Variants in TMC1 observed in about 807,000 individuals in gnomAD.
The protein encoded by TMC1 is transmembrane channel like 1, also known as transmembrane channel-like protein 1.
TMC1 carries 84 observed loss-of-function variants against 105.8 expected under a neutral mutation model. The ratio of observed to expected loss-of-function variants is 0.79; its 90% CI spans 0.67 to 0.95. The LOEUF is 0.95. TMC1 is among the 40% of genes least tolerant of loss of function. The pLI is 0.00. For missense variants in TMC1, 817 were observed against 914.1 expected (o/e 0.89, Z 1.37); for synonymous variants, 315 against 311.5 (o/e 1.01, Z -0.12).
In TMC1 at chr9:72,594,869, CT is replaced by C. The variant is rs141277773; in HGVS notation, c.-306+16860del. ...CAGCTCTCCTCTGCTTCTTCTTCTT[CT>C]TTTTTTTTTTTTTGAGACAGCGTCT... On this transcript the variant is annotated intron_variant, in intron 2 of 23. Coordinates refer to ENST00000297784, the MANE Select transcript of TMC1 (RefSeq NM_138691.3). 4.6e-3 allele frequency among the ~76,000 whole-genome samples: 668 copies of C among 143,708 alleles called. 3 individuals are homozygous for C. Among genetic ancestry groups the C allele is most frequent in the African/African-American group, 0.011 (451 of 39,226 alleles). 94.3% of individuals were successfully genotyped at this position (143,708 alleles called of 152,430 possible).
intron 5 of TMC1, among the ~76,000 whole-genome samples, chr9:72,685,129 C>T (rs1410778874): frequency 2.3e-4 from 22 of 93,888 alleles, no homozygotes; most frequent in Admixed American, 4.4e-4. Context: ...TTTTTTGAGA[C>T]GGAGTCTTGC....
chr9:72,654,142 G>T (rs1825852132), intron 5 of TMC1, among the ~76,000 whole-genome samples: 1 of 152,164 alleles, frequency 6.6e-6, no homozygotes, highest in African/African-American at 2.4e-5. Flanking sequence ...TTGCTGGGTT[G>T]TACAGTAAGT....
At chr9:72,597,390 A>G (rs1824737903) in intron 2 of TMC1, among the ~76,000 whole-genome samples, 1 of 152,132 alleles carries the variant, frequency 6.6e-6, no homozygotes, top group Non-Finnish European at 1.5e-5. Flanking sequence ...GCGCCCTCTG[A>G]CAGATTTCAG....
chr9:72,624,865 G>A (rs1275780290), intron 3 of TMC1, among the ~76,000 whole-genome samples: 1 of 152,244 alleles, frequency 6.6e-6, no homozygotes, highest in African/African-American at 2.4e-5. Flanking sequence ...GTGGGAAGTA[G>A]TGAGGATGAC....
chr9:72,793,041 T>C (rs1452750089), intron 17 of TMC1, among the ~76,000 whole-genome samples: 1 of 152,110 alleles, frequency 6.6e-6, no homozygotes, highest in African/African-American at 2.4e-5. Flanking sequence ...TTGGAACCCT[T>C]GTGTCAGGAG....
intron 18 of TMC1, among the ~76,000 whole-genome samples, chr9:72,815,065 C>T (rs1175244253): frequency 6.6e-6 from 1 of 151,720 alleles, no homozygotes; most frequent in Non-Finnish European, 1.5e-5. Context: ...TCTTCTTGGC[C>T]CTCTCATTTC....
At chr9:72,674,461 A>T (rs1389457213) in intron 5 of TMC1, among the ~76,000 whole-genome samples, 3 of 152,242 alleles carry the variant, frequency 2.0e-5, no homozygotes, top group Non-Finnish European at 2.9e-5. Context: ...TTTCTAGGTC[A>T]TGAGAGTTAT....
At chr9:72,794,078 C>T (rs375707206) in intron 17 of TMC1, among the ~76,000 whole-genome samples, 2 of 152,062 alleles carry the variant, frequency 1.3e-5, no homozygotes, top group African/African-American at 4.8e-5. Flanking sequence ...GTCCTACCTA[C>T]CCCCACCCCC....
chr9:72,598,882 G>A (rs1824761771), intron 2 of TMC1, among the ~76,000 whole-genome samples: 1 of 152,144 alleles, frequency 6.6e-6, no homozygotes, highest in African/African-American at 2.4e-5. Context: ...TCTACACGTG[G>A]TTAGATGCCG....
At chr9:72,653,303 A>G (rs549485773) in intron 5 of TMC1, among the ~76,000 whole-genome samples, 2 of 152,304 alleles carry the variant, frequency 1.3e-5, no homozygotes, top group Admixed American at 6.5e-5. Flanking sequence ...TAAAGAGCCT[A>G]TGAAAATTAG....
intron 9 of TMC1, 38 bp from the exon 10 acceptor site, chr9:72,742,406 A>G: frequency 6.6e-7 from 1 of 1,512,782 alleles, no homozygotes; most frequent in Non-Finnish European, 9.2e-7. Context: ...ACAAATCAAG[A>G]GGTTGGACTT....
chr9:72,616,812 C>T (rs1825138679), intron 3 of TMC1, among the ~76,000 whole-genome samples: 1 of 151,704 alleles, frequency 6.6e-6, no homozygotes. Flanking sequence ...CACTGCTGTT[C>T]CCACCCCCGC....
rs139601558 is a variant in TMC1, at chr9:72,712,769, T to C, written c.362+12126T>C. Among the ~76,000 whole-genome samples, 338 of 152,286 alleles carry C rather than the reference T, an allele frequency of 2.2e-3. 2 individuals carry two copies. Among genetic ancestry groups the C allele is most frequent in the African/African-American group, 7.8e-3 (326 of 41,558 alleles). ...CTGAATACCCTTTATTCCTTTCTCT[T>C]GCCTGATTGCCCTGGCCAGAACTTC... On this transcript the variant is annotated intron_variant, in intron 8 of 23. Transcript: ENST00000297784.
intron 2 of TMC1, among the ~76,000 whole-genome samples, chr9:72,594,350 G>T (rs1220551654): frequency 6.6e-6 from 1 of 152,164 alleles, no homozygotes; most frequent in Non-Finnish European, 1.5e-5. Context: ...GAAGATAAGG[G>T]ATAGTTTAGA....
At position 72,733,819 on chromosome 9, in the gene TMC1, C is replaced by G. The variant is rs192238448; in HGVS notation, c.363-6300C>G. Among the ~76,000 whole-genome samples the G allele has an allele frequency of 2.4e-3, 366 of 152,270 alleles. 2 individuals are homozygous for G. The highest frequency in any genetic ancestry group is 8.2e-3 in the African/African-American group (339 of 41,566). On this transcript the variant is annotated intron_variant, in intron 8 of 23. Coordinates refer to ENST00000297784, the MANE Select transcript of TMC1 (RefSeq NM_138691.3). The stretch of plus-strand genomic sequence containing the variant: ...AATTTCAGGAAGAGAAGACGTCTTA[C>G]CATAGATCTTAGCAACCTCAGCATA...
intron 5 of TMC1, among the ~76,000 whole-genome samples, chr9:72,661,154 A>C (rs540772791): frequency 6.6e-6 from 1 of 152,282 alleles, no homozygotes; most frequent in East Asian, 1.9e-4. Flanking sequence ...TCATCTCAAA[A>C]ACAAACAAAC....
chr9:72,556,048 G>C (rs1423337144), intron 1 of TMC1, among the ~76,000 whole-genome samples: 3 of 148,086 alleles, frequency 2.0e-5, no homozygotes, highest in African/African-American at 7.4e-5. Context: ...CAGAAGCTAG[G>C]CAGGCCTAAT....
At chr9:72,739,997 C>T (rs1588058579) in intron 8 of TMC1, 122 bp from the exon 9 acceptor site, 1 of 740,328 alleles carries the variant, frequency 1.4e-6, no homozygotes, top group Non-Finnish European at 2.3e-6. Context: ...TCTAGGTTCA[C>T]CTGTGAAGGA....
At chr9:72,677,105 A>G (rs1826214698) in intron 5 of TMC1, among the ~76,000 whole-genome samples, 1 of 149,464 alleles carries the variant, frequency 6.7e-6, no homozygotes, top group South Asian at 2.1e-4. Flanking sequence ...TTTGTTAGCC[A>G]GGGCACTCTA....
Sources: allele counts gnomAD v4.1 joint callset (sites outside exome capture counted in the v4.1 genomes callset), GRCh38; gene constraint gnomAD v4.1.1; transcripts MANE v1.5; gene names NCBI Gene and HGNC (gene_info 2026-07-23, HGNC 2026-07-21).